CDH4: variants seen among roughly 807,000 people sequenced by gnomAD.
The protein encoded by CDH4 is cadherin-4.
Under a neutral mutation model 86.0 loss-of-function variants are expected in CDH4, and 33 were observed. The observed-to-expected ratio is 0.38, with a 90% CI of 0.29 to 0.51. The LOEUF is 0.51. Ranked by LOEUF, CDH4 falls within the 20% of genes least tolerant of loss-of-function variation. The probability of loss-of-function intolerance (pLI) is 0.86; values close to 1 mark genes in which losing one functional copy is unlikely to be tolerated. For synonymous variants in CDH4, 555 were observed against 549.4 expected (o/e 1.01, Z -0.14); for missense variants, 1,114 against 1,307.4 (o/e 0.85, Z 2.28).
intron 4 of CDH4, among the ~76,000 whole-genome samples, chr20:61,827,374 T>TGTTGTTTG (rs1384557985): frequency 5.3e-5 from 8 of 152,170 alleles, no homozygotes; most frequent in Non-Finnish European, 8.8e-5. Flanking sequence ...TCAGTAACCA[T>TGTTGTTTG]GTTGTTTGGG....
intron 2 of CDH4, among the ~76,000 whole-genome samples, chr20:61,308,780 G>T (rs1600854208): frequency 6.6e-6 from 1 of 152,246 alleles, no homozygotes; most frequent in Non-Finnish European, 1.5e-5. Flanking sequence ...TGAGCAGGAA[G>T]ATTTCTGGAG....
intron 2 of CDH4, among the ~76,000 whole-genome samples, chr20:61,268,087 CAT>C (rs1485874682): frequency 6.6e-6 from 1 of 152,206 alleles, no homozygotes; most frequent in Non-Finnish European, 1.5e-5. Context: ...CTTCTTCCGA[CAT>C]GTGTGGCTGT....
intron 2 of CDH4, among the ~76,000 whole-genome samples, chr20:61,291,818 T>A (rs1376722799): frequency 6.6e-6 from 1 of 152,198 alleles, no homozygotes; most frequent in Non-Finnish European, 1.5e-5. Context: ...TCACAAGGGC[T>A]TATTATACAT....
chr20:61,888,808 T>A (rs1984659245), intron 7 of CDH4, among the ~76,000 whole-genome samples: 1 of 152,232 alleles, frequency 6.6e-6, no homozygotes, highest in Admixed American at 6.5e-5. Context: ...TCAGGGACCC[T>A]GACCGGTCCC....
intron 2 of CDH4, among the ~76,000 whole-genome samples, chr20:61,408,073 A>C (rs1436889906): frequency 6.6e-6 from 1 of 152,066 alleles, no homozygotes; most frequent in Non-Finnish European, 1.5e-5. Flanking sequence ...TCATCTTTTC[A>C]GCTTTTAGGA....
chr20:61,538,352 A>G (rs6061622), intron 2 of CDH4, among the ~76,000 whole-genome samples: 47,544 of 152,030 alleles, frequency 0.31, 11,883 homozygotes, highest in African/African-American at 0.69. Context: ...AGAGATTGGT[A>G]GGAGAGGAAT....
intron 4 of CDH4, among the ~76,000 whole-genome samples, chr20:61,823,224 G>GTGA (rs1213993300): frequency 4.7e-5 from 2 of 42,574 alleles, no homozygotes; most frequent in East Asian, 6.6e-4. Flanking sequence ...GTTGGTGATG[G>GTGA]TGATGATGAT....
At chr20:61,630,330 C>T (rs2086874309) in intron 2 of CDH4, among the ~76,000 whole-genome samples, 1 of 152,226 alleles carries the variant, frequency 6.6e-6, no homozygotes, top group African/African-American at 2.4e-5. Flanking sequence ...GCCTGGGCGC[C>T]CGCTCACACC....
chr20:61,559,449 G>A (rs71323513), intron 2 of CDH4, among the ~76,000 whole-genome samples: 13,121 of 151,934 alleles, frequency 0.086, 616 homozygotes, highest in South Asian at 0.17. Flanking sequence ...GGAGGAAGGC[G>A]GTTTCACTGG....
At chr20:61,550,305 A>ACTGGCCTCCCTAGCCTGCTTCC (rs1288275305) in intron 2 of CDH4, among the ~76,000 whole-genome samples, 26 of 60,888 alleles carry the variant, frequency 4.3e-4, no homozygotes, top group Admixed American at 1.2e-3. Flanking sequence ...CCCCAACCTC[A>ACTGGCCTCCCTAGCCTGCTTCC]CTGGCCTCCC....
intron 2 of CDH4, among the ~76,000 whole-genome samples, chr20:61,287,095 C>T (rs2084297137): frequency 6.6e-6 from 1 of 152,194 alleles, no homozygotes; most frequent in Admixed American, 6.5e-5. Flanking sequence ...CCTGAAGCTG[C>T]AGGTCCTCTG....
intron 2 of CDH4, among the ~76,000 whole-genome samples, chr20:61,602,791 A>G (rs1311998632): frequency 6.6e-6 from 1 of 151,128 alleles, no homozygotes; most frequent in Admixed American, 6.6e-5. Flanking sequence ...TGATTTCGGA[A>G]TTGTGCCTGG....
chr20:61,936,276 C>A (rs1385117384), intron 15 of CDH4, among the ~76,000 whole-genome samples: 1 of 135,984 alleles, frequency 7.4e-6, no homozygotes, highest in Non-Finnish European at 1.6e-5. Context: ...CTTGCCCTCT[C>A]CCACACCCCC....
chr20:61,753,852 C>T (rs2088527307), intron 3 of CDH4, among the ~76,000 whole-genome samples: 1 of 152,236 alleles, frequency 6.6e-6, no homozygotes, highest in South Asian at 2.1e-4. Context: ...GTCCTTTGGG[C>T]TGAACTATGT....
At chr20:61,300,928 G>A (rs117287001) in intron 2 of CDH4, among the ~76,000 whole-genome samples, 8,794 of 152,250 alleles carry the variant, frequency 0.058, 376 homozygotes, top group Non-Finnish European at 0.086. Flanking sequence ...AGCCATGGGC[G>A]GCTGCTCCCT....
chr20:61,296,015 A>C (rs1436824523), intron 2 of CDH4, among the ~76,000 whole-genome samples: 1 of 152,012 alleles, frequency 6.6e-6, no homozygotes, highest in African/African-American at 2.4e-5. Context: ...TTTCAGGAGG[A>C]CGGAGAAGGG....
intron 2 of CDH4, among the ~76,000 whole-genome samples, chr20:61,367,867 C>CT (rs372521090): frequency 0.11 from 12,820 of 118,964 alleles, 1,828 homozygotes; most frequent in African/African-American, 0.29. Flanking sequence ...TCTCCAGGAT[C>CT]TTTTTTTTTT....
intron 2 of CDH4, among the ~76,000 whole-genome samples, chr20:61,372,693 C>A (rs1166744662): frequency 6.6e-6 from 1 of 152,134 alleles, no homozygotes; most frequent in Non-Finnish European, 1.5e-5. Flanking sequence ...CTGGAGCCAA[C>A]CCTCCCCCAA....
chr20:61,413,061 G>A (rs929662384), intron 2 of CDH4, among the ~76,000 whole-genome samples: 1 of 152,138 alleles, frequency 6.6e-6, no homozygotes. Context: ...GGTGTGGGGG[G>A]CCACCTCCCT....
Sources: allele counts gnomAD v4.1 joint callset (sites outside exome capture counted in the v4.1 genomes callset), GRCh38; gene constraint gnomAD v4.1.1; transcripts MANE v1.5; gene names NCBI Gene and HGNC (gene_info 2026-07-23, HGNC 2026-07-21).